Variants in SUSD6 observed in about 807,000 individuals in gnomAD.
SUSD6 encodes sushi domain-containing protein 6.
A neutral mutation model predicts 28.4 loss-of-function variants in SUSD6; 16 were observed. The ratio of observed to expected loss-of-function variants is 0.56; its 90% CI spans 0.38 to 0.86. The LOEUF is 0.86. SUSD6 is among the 40% of genes least tolerant of loss of function. The probability of loss-of-function intolerance (pLI) is 0.00; values close to 1 mark genes in which losing one functional copy is unlikely to be tolerated. For missense variants in SUSD6, 341 were observed against 384.2 expected (o/e 0.89, Z 0.94); for synonymous variants, 147 against 159.6 (o/e 0.92, Z 0.59).
chr14:69,690,369 C>G (rs549258073), intron 2 of SUSD6, among the ~76,000 whole-genome samples: 1 of 152,178 alleles, frequency 6.6e-6, no homozygotes, highest in Non-Finnish European at 1.5e-5. Context: ...ACCTTCAGGG[C>G]CAGGCATCCA....
At chr14:69,680,756 ATGT>A (rs1461503328) in intron 2 of SUSD6, among the ~76,000 whole-genome samples, 1 of 151,922 alleles carries the variant, frequency 6.6e-6, no homozygotes, top group Non-Finnish European at 1.5e-5. Flanking sequence ...TCCAACTCAA[ATGT>A]TGTTCCCCCT....
intron 2 of SUSD6, among the ~76,000 whole-genome samples, chr14:69,684,212 G>C (rs1886038813): frequency 6.6e-6 from 1 of 152,214 alleles, no homozygotes; most frequent in Non-Finnish European, 1.5e-5. Flanking sequence ...AGTGACACCA[G>C]TCATTTCATG....
intron 1 of SUSD6, among the ~76,000 whole-genome samples, chr14:69,623,138 GCAA>G (rs766386941): frequency 4.6e-5 from 7 of 152,188 alleles, no homozygotes; most frequent in Non-Finnish European, 7.3e-5. Context: ...ACAGCAAACA[GCAA>G]CATGATAGCA....
At chr14:69,651,864 C>T (rs934303326) in intron 1 of SUSD6, among the ~76,000 whole-genome samples, 12 of 152,164 alleles carry the variant, frequency 7.9e-5, no homozygotes, top group South Asian at 2.1e-4. Flanking sequence ...AGTCATTTCT[C>T]TTACTTATCA....
chr14:69,648,710 C>T (rs755997175), intron 1 of SUSD6, among the ~76,000 whole-genome samples: 3 of 152,090 alleles, frequency 2.0e-5, no homozygotes, highest in Non-Finnish European at 4.4e-5. Flanking sequence ...AGCCAGCTCT[C>T]TAGGGTTTGC....
At chr14:69,708,033 G>T (rs1264723840) in intron 4 of SUSD6, among the ~76,000 whole-genome samples, 1 of 152,054 alleles carries the variant, frequency 6.6e-6, no homozygotes, top group Admixed American at 6.5e-5. Context: ...GATTTTTCTT[G>T]TGTTCTGTTT....
intron 1 of SUSD6, among the ~76,000 whole-genome samples, chr14:69,622,920 T>C (rs1885062811): frequency 6.6e-6 from 1 of 152,178 alleles, no homozygotes; most frequent in African/African-American, 2.4e-5. Flanking sequence ...AGATATCGCA[T>C]ACTGTCAGGA....
intron 2 of SUSD6, among the ~76,000 whole-genome samples, chr14:69,673,996 C>T (rs138705566): frequency 1.3e-5 from 2 of 152,208 alleles, no homozygotes; most frequent in Non-Finnish European, 2.9e-5. Context: ...TTATTTTTTC[C>T]GTGTATGAGA....
chr14:69,619,075 T>C (rs1240709425), intron 1 of SUSD6, among the ~76,000 whole-genome samples: 1 of 152,220 alleles, frequency 6.6e-6, no homozygotes, highest in Non-Finnish European at 1.5e-5. Flanking sequence ...CCAGAGCCCC[T>C]GATTCCTAGT....
intron 1 of SUSD6, among the ~76,000 whole-genome samples, chr14:69,639,079 A>C (rs1362741840): frequency 1.3e-5 from 2 of 152,124 alleles, no homozygotes; most frequent in Admixed American, 6.5e-5. Flanking sequence ...TAATCCCAGC[A>C]CTTTGGGAGG....
At chr14:69,643,340 T>C (rs909748263) in intron 1 of SUSD6, among the ~76,000 whole-genome samples, 1 of 152,194 alleles carries the variant, frequency 6.6e-6, no homozygotes, top group African/African-American at 2.4e-5. Context: ...TTATGGTAAT[T>C]CAGCCAGATT....
intron 2 of SUSD6, among the ~76,000 whole-genome samples, chr14:69,664,919 C>T (rs1412253259): frequency 6.6e-6 from 1 of 152,226 alleles, no homozygotes; most frequent in Non-Finnish European, 1.5e-5. Flanking sequence ...ATGAACACCT[C>T]TCACCACTTC....
intron 2 of SUSD6, among the ~76,000 whole-genome samples, chr14:69,686,641 A>G (rs965789805): frequency 9.2e-5 from 14 of 152,260 alleles, no homozygotes; most frequent in African/African-American, 3.1e-4. Flanking sequence ...AGCAAGTTAC[A>G]TGTTACATGG....
At chr14:69,710,418 T>C (rs1427852156) in intron 5 of SUSD6, among the ~76,000 whole-genome samples, 3 of 152,210 alleles carry the variant, frequency 2.0e-5, no homozygotes, top group Non-Finnish European at 4.4e-5. Context: ...CCAGGAATTG[T>C]AGTGTCTGTG....
In SUSD6 at chr14:69,622,506, C is replaced by A. The variant is rs145594226; in HGVS notation, c.-81+10678C>A. Among the ~76,000 whole-genome samples the A allele has an allele frequency of 2.0e-5, 3 of 152,286 alleles. No individual in the cohort carries two copies. In the East Asian group the frequency reaches 5.8e-4, roughly 29 times the overall value. ...GTCTCTTCTCCTCATAGATTTCAAC[C>A]GCCTTGAGGATGGTTTACGTTTCTC... On this transcript the variant is annotated intron_variant, in intron 1 of 5. Transcript: ENST00000342745.
At chr14:69,694,040 G>T (rs530700397) in intron 2 of SUSD6, among the ~76,000 whole-genome samples, 1 of 152,300 alleles carries the variant, frequency 6.6e-6, no homozygotes, top group Non-Finnish European at 1.5e-5. Flanking sequence ...AAGTCACGTT[G>T]GTTTTCTACT....
intron 2 of SUSD6, among the ~76,000 whole-genome samples, chr14:69,694,419 G>A (rs1461165026): frequency 6.6e-6 from 1 of 152,184 alleles, no homozygotes; most frequent in Admixed American, 6.5e-5. Flanking sequence ...GGTAACTGTT[G>A]GAGCAGTGTG....
At chr14:69,669,206 G>C (rs531708716) in intron 2 of SUSD6, among the ~76,000 whole-genome samples, 147 of 151,888 alleles carry the variant, frequency 9.7e-4, no homozygotes, top group African/African-American at 3.5e-3. Flanking sequence ...TGGGATTACA[G>C]GCATGTGCCA....
chr14:69,688,368 G>A (rs984796665), intron 2 of SUSD6, among the ~76,000 whole-genome samples: 1 of 152,160 alleles, frequency 6.6e-6, no homozygotes, highest in Non-Finnish European at 1.5e-5. Flanking sequence ...TAGAGCATGA[G>A]CCTGGACGTG....
Sources: gnomAD v4.1 joint callset for allele counts (sites outside exome capture counted in the v4.1 genomes callset) on GRCh38, gnomAD v4.1.1 for gene constraint, MANE v1.5 for transcripts, NCBI Gene and HGNC (gene_info 2026-07-23, HGNC 2026-07-21) for gene names.